GALNT13: variants seen among roughly 807,000 people sequenced by gnomAD.
The protein encoded by GALNT13 is UDP-GalNAc:polypeptide N-acetylgalactosaminyltransferase 13.
In GALNT13, 28 loss-of-function variants were observed where a neutral mutation model predicts 64.2. The ratio of observed to expected loss-of-function variants is 0.44; its 90% CI spans 0.32 to 0.60. The LOEUF (loss-of-function observed/expected upper bound fraction) is 0.60, where lower values mean the gene tolerates loss of function less well. GALNT13 is among the 20% of genes least tolerant of loss of function. GALNT13 has a pLI of 0.05. For missense variants in GALNT13, 577 were observed against 669.8 expected (o/e 0.86, Z 1.53); for synonymous variants, 214 against 224.6 (o/e 0.95, Z 0.42).
intron 10 of GALNT13, among the ~76,000 whole-genome samples, chr2:154,404,236 G>T (rs1358762448): frequency 1.3e-5 from 2 of 152,162 alleles, no homozygotes; most frequent in Non-Finnish European, 2.9e-5. Flanking sequence ...GAATGTGCCA[G>T]AAATAGGATA....
At chr2:153,521,240 T>A in the GALNT13 span, among the ~76,000 whole-genome samples, 1 of 151,844 alleles carries the variant, frequency 6.6e-6, no homozygotes, top group Non-Finnish European at 1.5e-5. Context: ...TCTAATTAAT[T>A]TACACAGGAC....
At chr2:154,378,025 T>C (rs1698081735) in intron 9 of GALNT13, among the ~76,000 whole-genome samples, 1 of 152,132 alleles carries the variant, frequency 6.6e-6, no homozygotes, top group African/African-American at 2.4e-5. Flanking sequence ...TCCTTGTGAC[T>C]ACATTTATAT....
chr2:154,038,819 C>G (rs958384664), intron 3 of GALNT13, among the ~76,000 whole-genome samples: 2 of 152,072 alleles, frequency 1.3e-5, no homozygotes, highest in Admixed American at 6.6e-5. Flanking sequence ...AGTCAAGACA[C>G]AACCTGCAGA....
chr2:153,776,852 A>T, the GALNT13 span, among the ~76,000 whole-genome samples: 3 of 152,140 alleles, frequency 2.0e-5, no homozygotes, highest in Non-Finnish European at 4.4e-5. Context: ...TACTTTGATT[A>T]TTAAGGCACT....
the GALNT13 span, among the ~76,000 whole-genome samples, chr2:153,819,997 C>T: frequency 6.6e-6 from 1 of 152,054 alleles, no homozygotes; most frequent in Non-Finnish European, 1.5e-5. Context: ...GGTTGAAAAT[C>T]GCACAAAGAA....
the GALNT13 span, among the ~76,000 whole-genome samples, chr2:153,524,375 T>G: frequency 6.6e-6 from 1 of 151,226 alleles, no homozygotes; most frequent in South Asian, 2.1e-4. Flanking sequence ...GCTCCACCAA[T>G]TATTCCCCCT....
the GALNT13 span, among the ~76,000 whole-genome samples, chr2:153,794,475 G>A: frequency 6.6e-6 from 1 of 151,844 alleles, no homozygotes; most frequent in Non-Finnish European, 1.5e-5. Context: ...AAACCAATGA[G>A]TGTTGGCTTA....
At chr2:154,342,565 A>C (rs2105228424) in intron 9 of GALNT13, among the ~76,000 whole-genome samples, 1 of 151,598 alleles carries the variant, frequency 6.6e-6, no homozygotes, top group South Asian at 2.1e-4. Flanking sequence ...ATATTATATC[A>C]AAATTCTATC....
intron 4 of GALNT13, among the ~76,000 whole-genome samples, chr2:154,180,450 T>C (rs1004469550): frequency 1.3e-5 from 2 of 152,088 alleles, no homozygotes; most frequent in East Asian, 3.8e-4. Context: ...CAAATATTGC[T>C]GTTTAAATTT....
At chr2:153,579,294 T>C in the GALNT13 span, among the ~76,000 whole-genome samples, 2 of 152,040 alleles carry the variant, frequency 1.3e-5, no homozygotes, top group African/African-American at 2.4e-5. Context: ...TTTTTTCTAA[T>C]ATGTATTCCA....
the GALNT13 span, among the ~76,000 whole-genome samples, chr2:153,364,043 A>T: frequency 4.6e-5 from 7 of 152,196 alleles, no homozygotes; most frequent in Non-Finnish European, 7.3e-5. Context: ...ACTCATGATA[A>T]TTAAGTAGGC....
chr2:154,086,102 T>TATATAATATATATTATGTGATTATATATC (rs1238210748), intron 3 of GALNT13, among the ~76,000 whole-genome samples: 10 of 148,726 alleles, frequency 6.7e-5, no homozygotes, highest in Non-Finnish European at 1.3e-4. Flanking sequence ...GTGCTATTTA[T>TATATAATATATATTATGTGATTATATATC]ATATAATATA....
At chr2:153,647,780 G>A in the GALNT13 span, among the ~76,000 whole-genome samples, 1 of 152,066 alleles carries the variant, frequency 6.6e-6, no homozygotes, top group Non-Finnish European at 1.5e-5. Flanking sequence ...AGTTGTAGAT[G>A]TGTGTTATTA....
chr2:153,974,281 T>G (rs149559731), intron 3 of GALNT13, among the ~76,000 whole-genome samples: 2 of 152,278 alleles, frequency 1.3e-5, no homozygotes, highest in African/African-American at 4.8e-5. Flanking sequence ...AATACTTTCC[T>G]AAATATTTGC....
At chr2:153,435,566 T>C in the GALNT13 span, among the ~76,000 whole-genome samples, 1 of 151,696 alleles carries the variant, frequency 6.6e-6, no homozygotes, top group Non-Finnish European at 1.5e-5. Context: ...GTTGGATTCC[T>C]AGGTATTTTA....
the GALNT13 span, among the ~76,000 whole-genome samples, chr2:153,111,330 T>A: frequency 2.9e-4 from 43 of 150,644 alleles, no homozygotes; most frequent in East Asian, 5.8e-4. Flanking sequence ...GTTTTCATTT[T>A]AAAAAAAAAC....
the GALNT13 span, among the ~76,000 whole-genome samples, chr2:153,113,115 G>T: frequency 6.6e-6 from 1 of 152,040 alleles, no homozygotes; most frequent in Admixed American, 6.6e-5. Context: ...TCAAAAACAT[G>T]TTTACATAAA....
At chr2:153,261,422 A>G in the GALNT13 span, among the ~76,000 whole-genome samples, 148 of 152,228 alleles carry the variant, frequency 9.7e-4, no homozygotes, top group Middle Eastern at 3.4e-3. Flanking sequence ...TATTTGCTTA[A>G]CCCTGTTGCT....
chr2:153,257,037 G>C, the GALNT13 span, among the ~76,000 whole-genome samples: 32 of 152,326 alleles, frequency 2.1e-4, no homozygotes, highest in African/African-American at 7.7e-4. Flanking sequence ...AATGGCGGGC[G>C]CCCCTCCGCC....
Sources: gnomAD v4.1 joint callset for allele counts (sites outside exome capture counted in the v4.1 genomes callset) on GRCh38, gnomAD v4.1.1 for gene constraint, MANE v1.5 for transcripts, NCBI Gene and HGNC (gene_info 2026-07-23, HGNC 2026-07-21) for gene names.